Variants in C2orf74 observed in about 807,000 individuals in gnomAD.
The protein encoded by C2orf74 is DPM1 ER membrane anchor 1.
Under a neutral mutation model 17.9 loss-of-function variants are expected in C2orf74, and 14 were observed. That is an observed-to-expected ratio of 0.78 (90% CI 0.52 to 1.22). C2orf74 has a LOEUF of 1.22. C2orf74 is among the 50% of genes most tolerant of loss of function. C2orf74 has a pLI of 0.00. For synonymous variants in C2orf74, 79 were observed against 72.6 expected, an observed-to-expected ratio of 1.09 and a Z score of -0.44; for missense variants, 217 against 218.4, an observed-to-expected ratio of 0.99 and a Z score of 0.04.
chr2:61,149,012 GA>G (rs1361046447), intron 1 of C2orf74, among the ~76,000 whole-genome samples: 4 of 152,208 alleles, frequency 2.6e-5, no homozygotes, highest in Non-Finnish European at 4.4e-5. Context: ...CTACTCTAGA[GA>G]AATAAGGTTT....
At chr2:61,157,740 C>T (rs1434537949), upstream of C2orf74, 1 of 402,494 alleles carries the variant, frequency 2.5e-6, no homozygotes, top group African/African-American at 2.1e-5. Flanking sequence ...GTGGACTATC[C>T]TGATCAGCCA....
intron 1 of C2orf74, among the ~76,000 whole-genome samples, chr2:61,156,671 C>T (rs1685400226): frequency 6.6e-6 from 1 of 152,112 alleles, no homozygotes; most frequent in African/African-American, 2.4e-5. Context: ...ATCGCTTGAG[C>T]TCAGGGGTTT....
At chr2:61,147,061 C>T (rs984373346) in intron 1 of C2orf74, among the ~76,000 whole-genome samples, 6 of 151,388 alleles carry the variant, frequency 4.0e-5, no homozygotes, top group African/African-American at 7.3e-5. Context: ...CCCAACTACC[C>T]GGGAGGCTGA....
At chr2:61,155,065 A>C (rs576109878) in intron 1 of C2orf74, among the ~76,000 whole-genome samples, 1 of 152,192 alleles carries the variant, frequency 6.6e-6, no homozygotes, top group East Asian at 1.9e-4. Context: ...ACTCTGTCTC[A>C]AAAAAAGAAA....
chr2:61,157,914 C>T (rs985980445), upstream of C2orf74: 13 of 471,168 alleles, frequency 2.8e-5, no homozygotes, highest in South Asian at 1.4e-4. Context: ...TGGGGATTCA[C>T]GTATGCCCTG....
At chr2:61,149,141 C>G (rs1005227477) in intron 1 of C2orf74, among the ~76,000 whole-genome samples, 1 of 152,166 alleles carries the variant, frequency 6.6e-6, no homozygotes, top group African/African-American at 2.4e-5. Flanking sequence ...TGAAGCCTAA[C>G]TACGGAGACC....
intron 1 of C2orf74, among the ~76,000 whole-genome samples, chr2:61,153,540 C>G (rs1685302789): frequency 6.6e-6 from 1 of 151,288 alleles, no homozygotes; most frequent in Non-Finnish European, 1.5e-5. Context: ...CCTTGGCCTC[C>G]CAAAGTGCTG....
At position 61,164,440 on chromosome 2, in the gene C2orf74, A is replaced by AT; in HGVS notation, c.481dup (p.Ser161PhefsTer2). 1 of 1,551,184 alleles carries AT rather than the reference A, an allele frequency of 6.4e-7. No homozygotes were observed. Among genetic ancestry groups the AT allele is most frequent in the Non-Finnish European group, 8.7e-7 (1 of 1,146,808 alleles). ...AAAAAAGACCTTTAAAAGGAGTGAC[A>AT]TTTTCTAGGGAGGTAATTGTTGTGG... On this transcript the variant is annotated frameshift_variant, in exon 5 of 5. Coordinates refer to ENST00000432605, the MANE Select transcript of C2orf74 (RefSeq NM_001143959.4). LOFTEE classifies it high-confidence loss of function.
intron 1 of C2orf74, among the ~76,000 whole-genome samples, chr2:61,149,478 A>G (rs905067578): frequency 1.3e-5 from 2 of 151,820 alleles, no homozygotes; most frequent in Non-Finnish European, 2.9e-5. Context: ...AGCACTTGCA[A>G]GGCTGTCCTG....
At chr2:61,146,558 A>C (rs1685074929) in intron 1 of C2orf74, among the ~76,000 whole-genome samples, 1 of 152,178 alleles carries the variant, frequency 6.6e-6, no homozygotes, top group Non-Finnish European at 1.5e-5. Context: ...AAAAGGGGCC[A>C]GGTGCGGTGG....
chr2:61,162,652 A>T, intron 2 of C2orf74, 43 bp downstream of exon 2: 1 of 1,251,734 alleles, frequency 8.0e-7, no homozygotes, highest in East Asian at 2.5e-5. Context: ...TTCAAGTCAC[A>T]TTAGCAAATG....
At chr2:61,163,911 T>C (rs1170650586) in intron 4 of C2orf74, among the ~76,000 whole-genome samples, 4 of 152,036 alleles carry the variant, frequency 2.6e-5, no homozygotes, top group Admixed American at 2.6e-4. Flanking sequence ...ACGAGATGAA[T>C]TGTTTACCTC....
intron 1 of C2orf74, among the ~76,000 whole-genome samples, chr2:61,149,328 T>C (rs720201): frequency 0.42 from 63,367 of 151,884 alleles, 13,453 homozygotes; most frequent in Middle Eastern, 0.5. Context: ...GCTATAACTT[T>C]GTAGTCCTGG....
intron 1 of C2orf74, among the ~76,000 whole-genome samples, chr2:61,153,869 A>T (rs1280446363): frequency 1.3e-5 from 2 of 150,174 alleles, no homozygotes; most frequent in East Asian, 4.0e-4. Flanking sequence ...AGCCTGGGTG[A>T]CAGAGCAACA....
chr2:61,152,315 G>C (rs937708568), intron 1 of C2orf74, among the ~76,000 whole-genome samples: 2 of 152,074 alleles, frequency 1.3e-5, no homozygotes, highest in African/African-American at 4.8e-5. Context: ...GCCGAGGCGG[G>C]CAGATCACGA....
At chr2:61,158,075 C>T, upstream of C2orf74, 1 of 457,064 alleles carries the variant, frequency 2.2e-6, no homozygotes, top group Admixed American at 2.4e-5. Context: ...CCCAACATGG[C>T]AGATGCCAGG....
chr2:61,148,259 T>C (rs1381436326), intron 1 of C2orf74, among the ~76,000 whole-genome samples: 1 of 151,542 alleles, frequency 6.6e-6, no homozygotes, highest in Non-Finnish European at 1.5e-5. Context: ...CCATCTCGGC[T>C]TACTGCAACC....
At chr2:61,159,714 T>C (rs1428070776), upstream of C2orf74, among the ~76,000 whole-genome samples, 1 of 152,244 alleles carries the variant, frequency 6.6e-6, no homozygotes. Context: ...AAAATCTGTA[T>C]GTGCTGGTGG....
intron 1 of C2orf74, among the ~76,000 whole-genome samples, chr2:61,147,281 A>G (rs900975989): frequency 2.0e-5 from 3 of 151,450 alleles, no homozygotes; most frequent in Admixed American, 2.0e-4. Flanking sequence ...GCGCCATCAC[A>G]ACTCACTGCC....
Sources: allele counts gnomAD v4.1 joint callset (sites outside exome capture counted in the v4.1 genomes callset), GRCh38; gene constraint gnomAD v4.1.1; transcripts MANE v1.5; gene names NCBI Gene and HGNC (gene_info 2026-07-23, HGNC 2026-07-21).